Variants in CILK1 observed in about 807,000 individuals in gnomAD.
CILK1 encodes serine/threonine-protein kinase ICK.
CILK1 carries 47 observed loss-of-function variants against 79.2 expected under a neutral mutation model. The observed-to-expected ratio is 0.59, with a 90% CI of 0.47 to 0.76. The LOEUF (loss-of-function observed/expected upper bound fraction) is 0.76. Ranked by LOEUF, CILK1 falls within the 30% of genes least tolerant of loss-of-function variation. The pLI is 0.00. For missense variants in CILK1, 660 were observed against 769.5 expected, an observed-to-expected ratio of 0.86 and a Z score of 1.68; for synonymous variants, 266 against 275.9, an observed-to-expected ratio of 0.96 and a Z score of 0.36.
chr6:53,036,026 G>A (rs1044903435), intron 3 of CILK1, among the ~76,000 whole-genome samples: 2 of 152,190 alleles, frequency 1.3e-5, no homozygotes, highest in Non-Finnish European at 2.9e-5. Context: ...AGGAAAGAGT[G>A]GGAGTTGTCT....
At chr6:53,037,780 T>C (rs187126510) in intron 3 of CILK1, among the ~76,000 whole-genome samples, 159 bp downstream of exon 3, 4 of 152,342 alleles carry the variant, frequency 2.6e-5, no homozygotes, top group Non-Finnish European at 1.5e-5. Flanking sequence ...TATACAATTA[T>C]ACCATAATCT....
At chr6:53,049,921 A>G (rs1453240412) in intron 1 of CILK1, among the ~76,000 whole-genome samples, 2 of 151,928 alleles carry the variant, frequency 1.3e-5, no homozygotes, top group Non-Finnish European at 2.9e-5. Flanking sequence ...GGGTCTTGCT[A>G]TGTTGCCCAG....
chr6:53,018,186 G>A lies in CILK1; in HGVS notation c.663+144C>T, dbSNP rs150161942. On this transcript the variant is annotated intron_variant, in intron 7 of 13. Transcript: ENST00000676107. ...AGAGAAGCCGACCGTATCTGAGAAC[G>A]TGGGCAGTGGAGAATGACTGAGGTC... The A allele has an allele frequency of 2.9e-4, 225 of 787,748 alleles. 1 individual carries two copies. The African/African-American group carries it at 3.6e-3, about 13-fold the overall frequency. 48.8% of individuals were successfully genotyped at this position (787,748 alleles called of 1,614,324 possible).
At chr6:53,059,540 TAA>T (rs971015347) in intron 1 of CILK1, among the ~76,000 whole-genome samples, 1 of 151,162 alleles carries the variant, frequency 6.6e-6, no homozygotes. Context: ...CACAGGAGAG[TAA>T]AGAGAAGGGA....
chr6:53,019,094 A>G (rs1765065083), intron 6 of CILK1, 133 bp downstream of exon 6: 9 of 819,852 alleles, frequency 1.1e-5, no homozygotes, highest in Non-Finnish European at 1.7e-5. Flanking sequence ...CAACATATCT[A>G]TAAATATATG....
intron 11 of CILK1, among the ~76,000 whole-genome samples, chr6:53,009,893 A>G (rs1764462384): frequency 6.6e-6 from 1 of 151,922 alleles, no homozygotes; most frequent in Admixed American, 6.6e-5. Context: ...TCACCTTTTC[A>G]GTTTCTTCTC....
Position 53,004,981 on chromosome 6 carries a change from A to T in CILK1, c.*168T>A, listed in dbSNP as rs1304308432. ...CCTACTGCATTCAAATCAATATTTT[A>T]AAAAAAAACTTTAAAAAAGAATATT... is the stretch of plus-strand genomic sequence containing the variant. On this transcript the variant is annotated 3_prime_UTR_variant, in exon 14 of 14. Transcript: ENST00000676107. 8 of 682,900 alleles carry T rather than the reference A, an allele frequency of 1.2e-5. No homozygotes were observed. The highest frequency in any genetic ancestry group is 1.9e-5 in the Non-Finnish European group (8 of 420,802). 42.3% of individuals were successfully genotyped at this position (682,900 alleles called of 1,614,324 possible).
At chr6:53,033,127 T>C (rs1766078920) in intron 3 of CILK1, among the ~76,000 whole-genome samples, 1 of 152,226 alleles carries the variant, frequency 6.6e-6, no homozygotes, top group Non-Finnish European at 1.5e-5. Flanking sequence ...GGCCTGCTTC[T>C]CTTGACTTTT....
intron 8 of CILK1, among the ~76,000 whole-genome samples, chr6:53,015,219 A>G (rs1764823883): frequency 6.6e-6 from 1 of 152,188 alleles, no homozygotes; most frequent in Admixed American, 6.5e-5. Flanking sequence ...TGATCCTCTG[A>G]GCAATGTAAT....
intron 1 of CILK1, among the ~76,000 whole-genome samples, chr6:53,054,856 C>G (rs1767738851): frequency 6.6e-6 from 1 of 152,178 alleles, no homozygotes; most frequent in South Asian, 2.1e-4. Context: ...TCGGTGGAGG[C>G]AAAGAACATT....
intron 10 of CILK1, 57 bp downstream of exon 10, chr6:53,011,980 C>T: frequency 1.2e-6 from 2 of 1,613,548 alleles, no homozygotes; most frequent in Non-Finnish European, 1.7e-6. Flanking sequence ...GGATATGTAC[C>T]CATAATCTCA....
At chr6:53,058,788 C>G (rs1768156395) in intron 1 of CILK1, among the ~76,000 whole-genome samples, 1 of 152,044 alleles carries the variant, frequency 6.6e-6, no homozygotes, top group Non-Finnish European at 1.5e-5. Flanking sequence ...GGCAAATACA[C>G]ACACTCACAT....
At chr6:53,026,416 T>A (rs927083332) in intron 5 of CILK1, among the ~76,000 whole-genome samples, 1 of 152,180 alleles carries the variant, frequency 6.6e-6, no homozygotes, top group South Asian at 2.1e-4. Context: ...CCCAAAGTGC[T>A]GGGATTACAG....
At position 53,005,110 on chromosome 6, in the gene CILK1, G is replaced by A; in HGVS notation, c.*39C>T. ...CCAGTCAGCTGAGGGAAAGTATCCT[G>A]CTTCTCCCTAGGAAGAGATTCATCA... On this transcript the variant is annotated 3_prime_UTR_variant, in exon 14 of 14. Coordinates refer to ENST00000676107, the MANE Select transcript of CILK1 (RefSeq NM_014920.5). 1.2e-6 allele frequency: 2 copies of A among 1,610,410 alleles called. No individual in the cohort carries two copies. Among genetic ancestry groups the A allele is most frequent in the Non-Finnish European group, 1.7e-6 (2 of 1,177,470 alleles).
intron 5 of CILK1, among the ~76,000 whole-genome samples, chr6:53,029,976 A>T (rs1179065708): frequency 1.3e-5 from 2 of 152,176 alleles, no homozygotes; most frequent in African/African-American, 4.8e-5. Flanking sequence ...CTCTGTGCTC[A>T]CAAGAAGTAT....
Position 53,018,381 on chromosome 6 carries a change from A to T in CILK1, c.612T>A (p.Ser204Arg). The T allele has an allele frequency of 2.5e-6, 4 of 1,614,196 alleles. No individual in the cohort carries two copies. The highest frequency in any genetic ancestry group is 3.4e-6 in the Non-Finnish European group (4 of 1,180,028). Reference sequence around the variant, plus strand: ...AAATTTTGAATATTGTGTCAATTTCACTGGCTCCAGGGAAGAGTGGCCTGA... The same window carrying T: ...AAATTTTGAATATTGTGTCAATTTCTCTGGCTCCAGGGAAGAGTGGCCTGA... ...YTLRPLFPGASEIDTIFKICQ... is the reference protein window; with the variant it reads ...YTLRPLFPGAREIDTIFKICQ... Residue 204 changes from serine to arginine, a missense_variant, in exon 7 of 14, where the codon AGT (serine) becomes AGA (arginine). Ser to Arg is a moderately radical substitution (Grantham distance 110). Transcript: ENST00000676107.
At position 53,048,960 on chromosome 6, in the gene CILK1, G is replaced by A. The variant is rs150315204; in HGVS notation, c.-172-7552C>T. Among the ~76,000 whole-genome samples, 1,317 of 152,330 alleles carry A rather than the reference G, an allele frequency of 8.6e-3. 9 individuals carry two copies. Among genetic ancestry groups the A allele is most frequent in the Non-Finnish European group, 0.013 (869 of 68,034 alleles). The stretch of plus-strand genomic sequence containing the variant: ...CTCCCTAATAAAGACAGTTGACAAA[G>A]AAGCGGCATTGAACATGGCTGTGTA... On this transcript the variant is annotated intron_variant, in intron 1 of 13. Coordinates refer to ENST00000676107, the MANE Select transcript of CILK1 (RefSeq NM_014920.5).
intron 1 of CILK1, among the ~76,000 whole-genome samples, chr6:53,043,939 T>C (rs1315890720): frequency 2.7e-5 from 4 of 150,792 alleles, no homozygotes; most frequent in Non-Finnish European, 5.9e-5. Context: ...GAAAAGTAGG[T>C]GTTTTGTAGG....
chr6:53,003,599 C>A lies in CILK1; in HGVS notation c.*1550G>T, dbSNP rs113189631. 1 of 151,866 alleles carries A rather than the reference C, an allele frequency of 6.6e-6. No homozygotes were observed. The highest frequency in any genetic ancestry group is 1.5e-5 in the Non-Finnish European group (1 of 68,030). The allele number at this position is 151,866 out of a possible 1,614,324, so 9.4% of individuals were successfully genotyped here. On this transcript the variant is annotated 3_prime_UTR_variant, in exon 14 of 14. Transcript: ENST00000676107. ...CTAAAAATACAAAAAATTAGCTGGG[C>A]GTGGTGGCGGGCGCCTGTAGTCCCA... is the stretch of plus-strand genomic sequence containing the variant.
Sources: allele counts gnomAD v4.1 joint callset (sites outside exome capture counted in the v4.1 genomes callset), GRCh38; gene constraint gnomAD v4.1.1; transcripts MANE v1.5; gene names NCBI Gene and HGNC (gene_info 2026-07-23, HGNC 2026-07-21).